Variants in PREX1 observed in about 807,000 individuals in gnomAD.
PREX1 encodes phosphatidylinositol 3,4,5-trisphosphate-dependent Rac exchanger 1 protein.
In PREX1, 41 loss-of-function variants were observed where a neutral mutation model predicts 198.3. The ratio of observed to expected loss-of-function variants is 0.21; its 90% confidence interval spans 0.16 to 0.27. PREX1 has a LOEUF of 0.27. Among genes scored for constraint, PREX1 ranks in the 10% least tolerant of loss-of-function variants. The probability of loss-of-function intolerance (pLI) is 1.00; values close to 1 mark genes in which losing one functional copy is unlikely to be tolerated. For synonymous variants in PREX1, 843 were observed against 887.2 expected, an observed-to-expected ratio of 0.95 and a Z score of 0.89; for missense variants, 1,620 against 2,200.7, an observed-to-expected ratio of 0.74 and a Z score of 5.28.
intron 2 of PREX1, 139 bp downstream of exon 2, chr20:48,747,670 G>T (rs2090115162): frequency 2.2e-6 from 2 of 912,352 alleles, no homozygotes; most frequent in African/African-American, 1.6e-5. Context: ...GCAAGCTGGG[G>T]CAGGGCAAAG....
At chr20:48,646,183 G>A in intron 25 of PREX1, 126 bp from the exon 26 acceptor site, 1 of 896,596 alleles carries the variant, frequency 1.1e-6, no homozygotes, top group Non-Finnish European at 1.7e-6. Context: ...AGACTCGCAA[G>A]TTCTTTCACG....
At chr20:48,713,222 C>T (rs867722255) in intron 5 of PREX1, among the ~76,000 whole-genome samples, 6 of 152,096 alleles carry the variant, frequency 3.9e-5, no homozygotes, top group African/African-American at 1.2e-4. Context: ...GAAGCCAAGG[C>T]GGGCGGATCA....
chr20:48,821,011 T>C lies in PREX1; in HGVS notation c.219+6631A>G, dbSNP rs371437925. 4.6e-5 allele frequency among the ~76,000 whole-genome samples: 7 copies of C among 151,848 alleles called. 1 individual carries two copies. The highest frequency in any genetic ancestry group is 3.9e-4 in the East Asian group (2 of 5,154). On this transcript the variant is annotated intron_variant, in intron 1 of 39. Transcript: ENST00000371941. Reference sequence around the variant, plus strand: ...GGTCAGGAGTTCAATACCAGCCTGGTCAACATGGTGAAACCCTGTCTCTAC... The same window carrying C: ...GGTCAGGAGTTCAATACCAGCCTGGCCAACATGGTGAAACCCTGTCTCTAC...
At position 48,690,928 on chromosome 20, in the gene PREX1, C is replaced by G; in HGVS notation, c.1186+19G>C. Reference sequence around the variant, plus strand: ...ATAGCTCAGGGATCCCAGGCGAGCACCCCAAAGCTGCTGCTCACTCTCGCG... The same window carrying G: ...ATAGCTCAGGGATCCCAGGCGAGCAGCCCAAAGCTGCTGCTCACTCTCGCG... On this transcript the variant is annotated intron_variant, in intron 9 of 39. Transcript: ENST00000371941. The G allele has an allele frequency of 6.2e-7, 1 of 1,613,252 alleles. No individual in the cohort carries two copies. The highest frequency in any genetic ancestry group is 8.5e-7 in the Non-Finnish European group (1 of 1,180,008).
At chr20:48,679,827 G>A in intron 11 of PREX1, 73 bp from the exon 12 acceptor site, 1 of 1,194,358 alleles carries the variant, frequency 8.4e-7, no homozygotes, top group Non-Finnish European at 1.2e-6. Context: ...CCCAGCATTG[G>A]CCTTCACTGC....
Position 48,629,547 on chromosome 20 carries a change from A to G in PREX1, c.4668T>C (p.Ala1556=), listed in dbSNP as rs774213606. The change falls in exon 37 of 40, where the codon GCT becomes GCC. Residue 1556 remains alanine (A), a synonymous_variant. Transcript: ENST00000371941. ...TGAGGCCGGCGCCCACACTCCCAGC[A>G]GCACCAGGCTTTGGGTGGACAAAGG... ...MKSFVHPKPG[A]AGSVGAGLIP... is the part of the protein sequence containing the mutation. 1 of 1,614,148 alleles carries G rather than the reference A, an allele frequency of 6.2e-7. No individual in the cohort carries two copies. Among genetic ancestry groups the G allele is most frequent in the South Asian group, 1.1e-5 (1 of 91,086 alleles).
the PREX1 span, among the ~76,000 whole-genome samples, chr20:48,875,159 T>C: frequency 2.0e-5 from 3 of 152,046 alleles, no homozygotes; most frequent in African/African-American, 4.8e-5. Flanking sequence ...GTGACATGAG[T>C]GTGCGCTCAG....
chr20:48,701,771 G>A (rs2089876025), intron 6 of PREX1, among the ~76,000 whole-genome samples: 2 of 152,140 alleles, frequency 1.3e-5, no homozygotes, highest in African/African-American at 4.8e-5. Context: ...AGATTTACAC[G>A]TCAATCCCAA....
At chr20:48,657,511 G>A (rs973319735) in intron 17 of PREX1, among the ~76,000 whole-genome samples, 7 of 152,222 alleles carry the variant, frequency 4.6e-5, no homozygotes, top group East Asian at 1.9e-4. Flanking sequence ...AGGGCCTGGC[G>A]AAGAAAGATG....
At chr20:48,731,859 A>G (rs1489275795) in intron 4 of PREX1, among the ~76,000 whole-genome samples, 1 of 152,220 alleles carries the variant, frequency 6.6e-6, no homozygotes, top group Non-Finnish European at 1.5e-5. Context: ...TAGGAAGGAA[A>G]GAAAGAAAGA....
intron 7 of PREX1, among the ~76,000 whole-genome samples, chr20:48,696,519 G>A (rs529256565): frequency 3.3e-5 from 5 of 152,214 alleles, no homozygotes; most frequent in African/African-American, 1.2e-4. Context: ...CGGTCCCCTA[G>A]CTTGACCTTC....
In PREX1 at chr20:48,632,500, C is replaced by T. The variant is rs774259011; in HGVS notation, c.4407G>A (p.Thr1469=). 19 of 1,613,922 alleles carry T rather than the reference C, an allele frequency of 1.2e-5. No homozygotes were observed. In the Admixed American group the frequency reaches 2.0e-4, roughly 17 times the overall value. ...ASLRLHTALF[T]KVLENVEGLP... ...TGCCCCAGGCCTGAAGCTCACCTTT[C>T]GTGAACAGCGCTGTGTGCAGCCTCA... Residue 1469 remains threonine, a synonymous_variant, in exon 34 of 40, where the codon ACG becomes ACA. Coordinates refer to ENST00000371941, the MANE Select transcript of PREX1 (RefSeq NM_020820.4).
chr20:48,827,374 C>G lies in PREX1; in HGVS notation c.219+268G>C, dbSNP rs1280172717. 2.6e-5 allele frequency among the ~76,000 whole-genome samples: 4 copies of G among 152,170 alleles called. No homozygotes were observed. The highest frequency in any genetic ancestry group is 2.6e-4 in the Admixed American group (4 of 15,286). ...TTTAAAACTATTTGAAAGGCGGGGA[C>G]GGGGAAGAAAAGACAAAAGGGCAGC... On this transcript the variant is annotated intron_variant, in intron 1 of 39. Transcript: ENST00000371941. This position sits in a 1 kb window ranked among gnomAD's most constrained non-coding sequence, Gnocchi z 4.1.
intron 1 of PREX1, among the ~76,000 whole-genome samples, chr20:48,812,992 A>G (rs183625028): frequency 6.6e-6 from 1 of 152,198 alleles, no homozygotes; most frequent in South Asian, 2.1e-4. Context: ...TATTTCCCAA[A>G]TTTTCTAAAA....
chr20:48,671,968 A>G (rs55807146), intron 14 of PREX1, among the ~76,000 whole-genome samples: 23,924 of 152,230 alleles, frequency 0.16, 2,213 homozygotes, highest in Middle Eastern at 0.3. Flanking sequence ...TTGCAACAAG[A>G]TGCGGGTGCC....
At chr20:48,847,841 T>C in the PREX1 span, among the ~76,000 whole-genome samples, 1 of 152,254 alleles carries the variant, frequency 6.6e-6, no homozygotes, top group African/African-American at 2.4e-5. Flanking sequence ...TAGTTTTGCC[T>C]GCCATGTAAT....
At chr20:48,658,436 G>C (rs2089562653) in intron 16 of PREX1, among the ~76,000 whole-genome samples, 1 of 152,256 alleles carries the variant, frequency 6.6e-6, no homozygotes, top group Admixed American at 6.5e-5. Flanking sequence ...GAATCACACG[G>C]ATCCAAAGGT....
intron 19 of PREX1, among the ~76,000 whole-genome samples, chr20:48,654,282 G>C (rs560704395): frequency 6.6e-6 from 1 of 152,374 alleles, no homozygotes; most frequent in South Asian, 2.1e-4. Flanking sequence ...CACTCGGTAA[G>C]TGCTCAAGGA....
intron 1 of PREX1, among the ~76,000 whole-genome samples, chr20:48,826,718 G>A (rs1215123202): frequency 6.6e-6 from 1 of 152,170 alleles, no homozygotes; most frequent in Non-Finnish European, 1.5e-5. Flanking sequence ...AGTCGGCCGT[G>A]GTGGCTGGCG....
Sources: gnomAD v4.1 joint callset for allele counts (sites outside exome capture counted in the v4.1 genomes callset) on GRCh38, gnomAD v4.1.1 for gene constraint, Gnocchi (gnomAD v3.1) non-coding constraint, MANE v1.5 for transcripts, NCBI Gene and HGNC (gene_info 2026-07-23, HGNC 2026-07-21) for gene names.